ZNF48: variants seen among roughly 807,000 people sequenced by gnomAD.
ZNF48 encodes zinc finger protein 553.
In ZNF48, 20 loss-of-function variants were observed where a neutral mutation model predicts 40.0. That is an observed-to-expected ratio of 0.50 (90% confidence interval 0.35 to 0.73). The LOEUF (loss-of-function observed/expected upper bound fraction) is 0.73, where lower values mean the gene tolerates loss of function less well. Among genes scored for constraint, ZNF48 ranks in the 30% least tolerant of loss-of-function variants. ZNF48 has a pLI of 0.01. For missense variants in ZNF48, 726 were observed against 851.9 expected (o/e 0.85, Z 1.84); for synonymous variants, 298 against 329.7 (o/e 0.90, Z 1.04).
rs541788691 is a variant in ZNF48 at position 30,395,985 on chromosome 16, G to C, written c.79+112G>C. 146 of 1,129,688 alleles carry C rather than the reference G, an allele frequency of 1.3e-4. 1 individual carries two copies. In the South Asian group the frequency reaches 2.9e-3, roughly 22 times the overall value. The allele number at this position is 1,129,688 out of a possible 1,614,324, so 70.0% of individuals were successfully genotyped here. The stretch of plus-strand genomic sequence containing the variant: ...AGATCGGACGTGAGCTGTGCCTCTG[G>C]GGAGATAGGGGGAGGGGAGCTTTCG... On this transcript the variant is annotated intron_variant, in intron 2 of 2. Coordinates refer to ENST00000613509, the MANE Select transcript of ZNF48 (RefSeq NM_001214909.2). The surrounding 1 kb of genome is among the most constrained non-coding windows in gnomAD (Gnocchi z 5.9).
Position 30,395,842 on chromosome 16 carries a change from G to A in ZNF48, c.48G>A (p.Glu16=), listed in dbSNP as rs752151636. 2 of 1,549,210 alleles carry A rather than the reference G, an allele frequency of 1.3e-6. No individual in the cohort carries two copies. Among genetic ancestry groups the A allele is most frequent in the Non-Finnish European group, 1.7e-6 (2 of 1,152,278 alleles). The change falls in exon 2 of 3, where the codon GAG becomes GAA. Residue 16 remains glutamate (E), a synonymous_variant. Transcript: ENST00000613509. This position sits in a 1 kb window ranked among gnomAD's most constrained non-coding sequence, Gnocchi z 5.9. ...EPWGPDLHRP[E]EREPQRGART... ...GGGGCCCAGATCTCCACCGCCCGGA[G>A]GAGAGGGAGCCACAGAGAGGCGCCC...
chr16:30,385,277 A>T (rs1288306896), intron 1 of ZNF48, among the ~76,000 whole-genome samples: 1 of 151,884 alleles, frequency 6.6e-6, no homozygotes, highest in African/African-American at 2.4e-5. Context: ...GCACTCCACC[A>T]CCGGCCTTCC....
In ZNF48 at chr16:30,397,765, C is replaced by T. The variant is rs267604507; in HGVS notation, c.515C>T (p.Pro172Leu). 6.2e-7 allele frequency: 1 copy of T among 1,613,652 alleles called. No homozygotes were observed. Among genetic ancestry groups the T allele is most frequent in the Non-Finnish European group, 8.5e-7 (1 of 1,179,958 alleles). The change falls in exon 3 of 3, where the codon CCA becomes CTA. Residue 172 changes from proline to leucine, a missense_variant. By Grantham distance (98) the Pro-to-Leu change is moderately conservative. Around this residue, in one of 5 missense-constraint regions of ZNF48, gnomAD observed 378 missense variants for 449.1 expected, o/e 0.84. Transcript: ENST00000613509. This position sits in a 1 kb window ranked among gnomAD's most constrained non-coding sequence, Gnocchi z 4.1. The stretch of plus-strand genomic sequence containing the variant: ...GGGGAGAAGCCCTATAGAGCCCGGC[C>T]ACCAGCCCAGGGTCCCCCAAAGATT... ...HSGEKPYRAR[P>L]PAQGPPKIPR...
chr16:30,398,213 C>T lies in ZNF48; in HGVS notation c.963C>T (p.His321=), dbSNP rs762386396. ...EFARGSDLVK[H]LRVHTGEKPY... ...CCCGGGGATCCGACCTGGTGAAGCACCTGCGGGTGCACACGGGTGAGAAGC... is the reference window on the plus strand; with the variant it reads ...CCCGGGGATCCGACCTGGTGAAGCATCTGCGGGTGCACACGGGTGAGAAGC... The change falls in exon 3 of 3, where the codon CAC becomes CAT. Residue 321 remains histidine (H), a synonymous_variant. Coordinates refer to ENST00000613509, the MANE Select transcript of ZNF48 (RefSeq NM_001214909.2). This position sits in a 1 kb window ranked among gnomAD's most constrained non-coding sequence, Gnocchi z 6.6. 2 of 1,613,790 alleles carry T rather than the reference C, an allele frequency of 1.2e-6. No individual in the cohort carries two copies. The highest frequency in any genetic ancestry group is 1.3e-5 in the African/African-American group (1 of 74,942).
chr16:30,395,349 A>AC (rs1349154422), upstream of ZNF48: 1 of 450,322 alleles, frequency 2.2e-6, no homozygotes, highest in Non-Finnish European at 4.5e-6. This position sits in a 1 kb window ranked among gnomAD's most constrained non-coding sequence, Gnocchi z 5.9. Context: ...GACGCGGGCG[A>AC]CCCCCACAGG....
chr16:30,397,422 C>G lies in ZNF48; in HGVS notation c.172C>G (p.Pro58Ala), dbSNP rs1213265956. 6.2e-7 allele frequency: 1 copy of G among 1,614,080 alleles called. No homozygotes were observed. The highest frequency in any genetic ancestry group is 8.5e-7 in the Non-Finnish European group (1 of 1,180,010). ...DLGFKEEDLA[P>A]DHEVGNASLK... ...GGGGTTCAAGGAAGAAGATTTGGCT[C>G]CAGATCATGAAGTAGGAAATGCCTC... The change falls in exon 3 of 3, where the codon CCA becomes GCA. Residue 58 changes from proline to alanine, a missense_variant. Physicochemically the swap from Pro to Ala is conservative, Grantham distance 27 (BLOSUM62 -1). Transcript: ENST00000613509. This position sits in a 1 kb window ranked among gnomAD's most constrained non-coding sequence, Gnocchi z 4.1.
chr16:30,389,445 C>T (rs180783885), intron 1 of ZNF48, among the ~76,000 whole-genome samples: 19 of 147,480 alleles, frequency 1.3e-4, no homozygotes, highest in African/African-American at 2.8e-4. Context: ...TGGTGGTGCG[C>T]GCCTGTAATC....
rs766575523 is a variant in ZNF48, at chr16:30,398,237, G to A, written c.987G>A (p.Lys329=). 5.0e-6 allele frequency: 8 copies of A among 1,613,518 alleles called. No individual in the cohort carries two copies. Among genetic ancestry groups the A allele is most frequent in the Non-Finnish European group, 5.9e-6 (7 of 1,180,004 alleles). ...VKHLRVHTGE[K]PYLCPECGKG... ...ACCTGCGGGTGCACACGGGTGAGAA[G>A]CCCTACCTCTGCCCAGAGTGCGGCA... is the stretch of plus-strand genomic sequence containing the variant. Residue 329 remains lysine, a synonymous_variant, in exon 3 of 3, where the codon AAG becomes AAA. Transcript: ENST00000613509. This position sits in a 1 kb window ranked among gnomAD's most constrained non-coding sequence, Gnocchi z 6.6.
At chr16:30,378,704 C>T in intron 1 of ZNF48, 2 of 1,605,278 alleles carry the variant, frequency 1.2e-6, no homozygotes, top group Middle Eastern at 1.7e-4. Flanking sequence ...AAGCTTACTG[C>T]GGGACAGTGG....
In ZNF48 at chr16:30,382,854, A is replaced by T. The variant is rs1356397969; in HGVS notation, c.-16+4444A>T. On this transcript the variant is annotated intron_variant, in intron 1 of 2. Coordinates refer to the ZNF48 transcript ENST00000528032. The surrounding 1 kb of genome is among the most constrained non-coding windows in gnomAD (Gnocchi z 4.8). ...GTGGCTCCCTTTGTTAGCAGGGGAG[A>T]TGAAGGTTTTGATGAGCTGATTAGA... 1 of 1,422,376 alleles carries T rather than the reference A, an allele frequency of 7.0e-7. No homozygotes were observed. The allele number at this position is 1,422,376 out of a possible 1,614,324, so 88.1% of individuals were successfully genotyped here. A position where few individuals can be genotyped will look rare whatever the true frequency, so the allele number is the denominator to read the frequency against.
At position 30,380,309 on chromosome 16, in the gene ZNF48, A is replaced by G. The variant is rs2049827493; in HGVS notation, c.-16+1899A>G. 2.6e-5 allele frequency: 5 copies of G among 188,862 alleles called. No individual in the cohort carries two copies. The South Asian group carries it at 6.0e-4, about 23-fold the overall frequency. 11.7% of individuals were successfully genotyped at this position (188,862 alleles called of 1,614,324 possible). On this transcript the variant is annotated intron_variant, in intron 1 of 2. Coordinates refer to the ZNF48 transcript ENST00000528032. The stretch of plus-strand genomic sequence containing the variant: ...GATCCCATCTCTACAACAAATATAC[A>G]CATATATTTTGAAACAAGGTTTCAC...
In ZNF48 at chr16:30,395,463, C is replaced by G. The variant is rs982358479; in HGVS notation, c.-131C>G. 3.0e-6 allele frequency: 1 copy of G among 337,830 alleles called. No individual in the cohort carries two copies. Among genetic ancestry groups the G allele is most frequent in the African/African-American group, 2.3e-5 (1 of 43,812 alleles). The allele number at this position is 337,830 out of a possible 1,614,324, so 20.9% of individuals were successfully genotyped here. A position where few individuals can be genotyped will look rare whatever the true frequency, so the allele number is the denominator to read the frequency against. ...CCCCCGGGACGCCTGGGTCCGAGCC[C>G]GCTCCCGGCTTGGCGCGGAGCCTGC... On this transcript the variant is annotated 5_prime_UTR_variant, in exon 1 of 3. Transcript: ENST00000613509. This position sits in a 1 kb window ranked among gnomAD's most constrained non-coding sequence, Gnocchi z 5.9.
At position 30,398,058 on chromosome 16, in the gene ZNF48, G is replaced by C. The variant is rs746975450; in HGVS notation, c.808G>C (p.Ala270Pro). ...AATAATQGPK[A>P]QDKPYICTDC... ...CACGGCAGCTACCCAGGGACCGAAG[G>C]CCCAGGACAAGCCATATATCTGCAC... Residue 270 changes from alanine to proline, a missense_variant, in exon 3 of 3, where the codon GCC becomes CCC. Ala to Pro is a conservative substitution (Grantham distance 27). Around this residue, in one of 5 missense-constraint regions of ZNF48, gnomAD observed 378 missense variants for 449.1 expected, o/e 0.84. Transcript: ENST00000613509. The surrounding 1 kb of genome is among the most constrained non-coding windows in gnomAD (Gnocchi z 6.6). 1 of 1,612,310 alleles carries C rather than the reference G, an allele frequency of 6.2e-7. No individual in the cohort carries two copies. Among genetic ancestry groups the C allele is most frequent in the Admixed American group, 1.7e-5 (1 of 59,910 alleles).
rs2050028660 is a variant in ZNF48, at chr16:30,399,252, A to G, written c.*145A>G. On this transcript the variant is annotated 3_prime_UTR_variant, in exon 3 of 3. Coordinates refer to ENST00000613509, the MANE Select transcript of ZNF48 (RefSeq NM_001214909.2). ...ATAGATAGAAATAGGGATTGGAGAC[A>G]GTAACCTTGAAGCTCAGGAAACTGT... is the stretch of plus-strand genomic sequence containing the variant. 3.5e-6 allele frequency: 3 copies of G among 845,286 alleles called. No homozygotes were observed. Among genetic ancestry groups the G allele is most frequent in the South Asian group, 2.0e-5 (1 of 50,300 alleles). The allele number at this position is 845,286 out of a possible 1,614,324, so 52.4% of individuals were successfully genotyped here.
chr16:30,397,910 C>T lies in ZNF48; in HGVS notation c.660C>T (p.Tyr220=). 1 of 1,613,116 alleles carries T rather than the reference C, an allele frequency of 6.2e-7. No individual in the cohort carries two copies. The highest frequency in any genetic ancestry group is 8.5e-7 in the Non-Finnish European group (1 of 1,179,164). The change falls in exon 3 of 3, where the codon TAC becomes TAT. Residue 220 remains tyrosine, a synonymous_variant. Transcript: ENST00000613509. This position sits in a 1 kb window ranked among gnomAD's most constrained non-coding sequence, Gnocchi z 4.1. ...HQRTHTGEKP[Y]KCGICGKGFG... ...GGACACACACTGGTGAGAAGCCCTA[C>T]AAGTGTGGCATATGTGGCAAGGGCT... is the stretch of plus-strand genomic sequence containing the variant.
chr16:30,398,400 C>A lies in ZNF48; in HGVS notation c.1150C>A (p.Pro384Thr). ...TCGCCACCGCCTCACTCACATGGAG[C>A]CCCAGGACTTCAGCTTCCCAGGCTA... ...LLRHRLTHMEPQDFSFPGYPL... is the reference protein window; with the variant it reads ...LLRHRLTHMETQDFSFPGYPL... The change falls in exon 3 of 3, where the codon CCC becomes ACC. Residue 384 changes from proline to threonine, a missense_variant. Physicochemically the swap from Pro to Thr is conservative, Grantham distance 38 (BLOSUM62 -1). Around this residue, in one of 5 missense-constraint regions of ZNF48, gnomAD observed 378 missense variants for 449.1 expected, o/e 0.84. Transcript: ENST00000613509. This position sits in a 1 kb window ranked among gnomAD's most constrained non-coding sequence, Gnocchi z 6.6. 6.2e-7 allele frequency: 1 copy of A among 1,610,372 alleles called. No homozygotes were observed.
intron 1 of ZNF48, chr16:30,379,317 C>G: frequency 6.9e-7 from 1 of 1,440,580 alleles, no homozygotes; most frequent in Non-Finnish European, 9.6e-7. Flanking sequence ...AGCGACCCCC[C>G]TTTCCTCCTA....
rs1160854299 is a variant in ZNF48, at chr16:30,398,548, C to T, written c.1298C>T (p.Pro433Leu). The change falls in exon 3 of 3, where the codon CCT becomes CTT. Residue 433 changes from proline (P) to leucine (L), a missense_variant. Pro to Leu is a moderately conservative substitution (Grantham distance 98). This residue lies in a region of ZNF48 where 378 missense variants were observed against 449.1 expected (regional missense o/e 0.84). Coordinates refer to ENST00000613509, the MANE Select transcript of ZNF48 (RefSeq NM_001214909.2). The surrounding 1 kb of genome is among the most constrained non-coding windows in gnomAD (Gnocchi z 6.6). ...PFGLPGLEPEPGGPQAGEPPP... is the reference protein window; with the variant it reads ...PFGLPGLEPELGGPQAGEPPP... ...GGCCTGCCTGGCTTGGAGCCAGAGCCTGGGGGCCCACAGGCTGGGGAGCCA... is the reference window on the plus strand; with the variant it reads ...GGCCTGCCTGGCTTGGAGCCAGAGCTTGGGGGCCCACAGGCTGGGGAGCCA... 1.3e-5 allele frequency: 21 copies of T among 1,609,446 alleles called. No homozygotes were observed. Among genetic ancestry groups the T allele is most frequent in the Non-Finnish European group, 1.6e-5 (19 of 1,178,292 alleles).
chr16:30,389,622 G>A (rs1212601929), intron 1 of ZNF48, among the ~76,000 whole-genome samples: 1 of 149,818 alleles, frequency 6.7e-6, no homozygotes, highest in East Asian at 1.9e-4. Context: ...TAAATGTAGA[G>A]TTTATATGAA....
Sources: allele counts gnomAD v4.1 joint callset (sites outside exome capture counted in the v4.1 genomes callset), GRCh38; gene constraint gnomAD v4.1.1; regional missense constraint gnomAD v4.1.1; non-coding constraint Gnocchi (gnomAD v3.1); transcripts MANE v1.5; gene names NCBI Gene and HGNC (gene_info 2026-07-23, HGNC 2026-07-21).